PAAF1: variants seen among roughly 807,000 people sequenced by gnomAD.
The protein encoded by PAAF1 is proteasomal ATPase-associated factor 1.
PAAF1 carries 46 observed loss-of-function variants against 52.8 expected under a neutral mutation model. That is an observed-to-expected ratio of 0.87 (90% confidence interval 0.69 to 1.11). The LOEUF is 1.11. PAAF1 is among the 50% of genes most tolerant of loss of function. The pLI is 0.00. For synonymous variants in PAAF1, 178 were observed against 172.8 expected, an observed-to-expected ratio of 1.03 and a Z score of -0.24; for missense variants, 424 against 477.4, an observed-to-expected ratio of 0.89 and a Z score of 1.04.
chr11:73,924,731 T>C (rs1327541143), intron 11 of PAAF1, 34 bp downstream of exon 11: 1 of 1,555,680 alleles, frequency 6.4e-7, no homozygotes, highest in Non-Finnish European at 8.9e-7. Flanking sequence ...ACCTGGGTGA[T>C]TCTCATGAGA....
At chr11:73,899,678 C>T (rs535234384) in intron 5 of PAAF1, among the ~76,000 whole-genome samples, 72 of 152,252 alleles carry the variant, frequency 4.7e-4, no homozygotes, top group Non-Finnish European at 8.7e-4. Context: ...TCCCAAAGTG[C>T]TGGGATTACA....
Position 73,891,176 on chromosome 11 carries a change from CT to C in PAAF1, c.262del (p.Ser88ProfsTer8). On this transcript the variant is annotated frameshift_variant, in exon 4 of 12. Transcript: ENST00000310571. LOFTEE classifies it high-confidence loss of function. ...ASSKFLAPYT[T>X]FSRIHTKSIT... The stretch of plus-strand genomic sequence containing the variant: ...TCTAAGTTTTTGGCACCATATACTA[CT>C]TTTTCCAGAATTCATACAAAGAGTG... 1.3e-6 allele frequency: 2 copies of C among 1,584,160 alleles called. No individual in the cohort carries two copies. The highest frequency in any genetic ancestry group is 1.7e-6 in the Non-Finnish European group (2 of 1,154,552).
At chr11:73,889,110 C>A in intron 3 of PAAF1, 1 of 1,201,570 alleles carries the variant, frequency 8.3e-7, no homozygotes, top group Non-Finnish European at 1.2e-6. Flanking sequence ...TGCAAGCCTA[C>A]GTTTTTCCCA....
At position 73,929,400 on chromosome 11, in the gene PAAF1, T is replaced by A. The variant is rs1372182831; in HGVS notation, c.*2038T>A. The stretch of plus-strand genomic sequence containing the variant: ...ATTTTTTTCTACAACACCCTGTTAC[T>A]TAAACCAAAGTGTAAAAAGAAAATA... On this transcript the variant is annotated 3_prime_UTR_variant, in exon 12 of 12. Transcript: ENST00000310571. The A allele has an allele frequency of 6.6e-6, 1 of 152,202 alleles. No homozygotes were observed. The highest frequency in any genetic ancestry group is 2.4e-5 in the African/African-American group (1 of 41,448). The allele number at this position is 152,202 out of a possible 1,614,324, so 9.4% of individuals were successfully genotyped here.
intron 2 of PAAF1, 94 bp from the exon 3 acceptor site, chr11:73,887,260 A>G: frequency 1.2e-6 from 1 of 815,184 alleles, no homozygotes; most frequent in East Asian, 2.8e-5. Flanking sequence ...TTTCATGGGT[A>G]TACTATTTAT....
chr11:73,895,885 T>C (rs1056693259), intron 4 of PAAF1, among the ~76,000 whole-genome samples: 1 of 152,192 alleles, frequency 6.6e-6, no homozygotes, highest in Admixed American at 6.5e-5. Context: ...GGCAGAAGGA[T>C]AGCTTGAGCC....
chr11:73,876,957 A>T (rs1948757199), upstream of PAAF1: 3 of 1,444,840 alleles, frequency 2.1e-6, no homozygotes, highest in African/African-American at 1.4e-5. Flanking sequence ...TCCTCGCCGC[A>T]CGCTTCTCGG....
intron 4 of PAAF1, among the ~76,000 whole-genome samples, chr11:73,891,415 T>TA (rs1468590121): frequency 1.3e-5 from 2 of 152,204 alleles, no homozygotes; most frequent in Non-Finnish European, 2.9e-5. Flanking sequence ...CTGGTCATCT[T>TA]AGAGATTATA....
At chr11:73,894,180 C>T (rs865970921) in intron 4 of PAAF1, among the ~76,000 whole-genome samples, 2 of 152,102 alleles carry the variant, frequency 1.3e-5, no homozygotes, top group African/African-American at 2.4e-5. Context: ...TTGGGAATGC[C>T]GCTCACCTTT....
chr11:73,917,347 C>T (rs1219772264), intron 9 of PAAF1, among the ~76,000 whole-genome samples: 2 of 152,100 alleles, frequency 1.3e-5, no homozygotes, highest in Non-Finnish European at 2.9e-5. Context: ...TTCAAGGAAC[C>T]CAGCTCTGTT....
intron 10 of PAAF1, among the ~76,000 whole-genome samples, chr11:73,923,639 G>T (rs868645297): frequency 6.6e-6 from 1 of 152,064 alleles, no homozygotes; most frequent in Non-Finnish European, 1.5e-5. Flanking sequence ...GGGTTCAAGC[G>T]ATTCTCCTGC....
At chr11:73,925,388 C>G (rs1359057576) in intron 11 of PAAF1, among the ~76,000 whole-genome samples, 1 of 151,250 alleles carries the variant, frequency 6.6e-6, no homozygotes, top group Non-Finnish European at 1.5e-5. Flanking sequence ...ATTGCTTGGG[C>G]CTGGGAAGTT....
chr11:73,905,604 G>T (rs1234789766), intron 6 of PAAF1, among the ~76,000 whole-genome samples: 1 of 151,462 alleles, frequency 6.6e-6, no homozygotes, highest in African/African-American at 2.4e-5. Context: ...CTTTATTCTT[G>T]TCGTGTAAGT....
chr11:73,926,020 ATCTC>A (rs35017347), intron 11 of PAAF1, among the ~76,000 whole-genome samples: 16,722 of 152,084 alleles, frequency 0.11, 952 homozygotes, highest in East Asian at 0.18. Flanking sequence ...AATTGAGACT[ATCTC>A]TATATATTGC....
chr11:73,931,002 G>A lies in PAAF1; in HGVS notation c.*3640G>A, dbSNP rs182189951. The A allele has an allele frequency of 2.0e-5, 3 of 151,976 alleles. No homozygotes were observed. The South Asian group carries it at 6.2e-4, about 32-fold the overall frequency. The allele number at this position is 151,976 out of a possible 1,614,324, so 9.4% of individuals were successfully genotyped here. A position where few individuals can be genotyped will look rare whatever the true frequency, so the allele number is the denominator to read the frequency against. On this transcript the variant is annotated 3_prime_UTR_variant, in exon 12 of 12. Coordinates refer to ENST00000310571, the MANE Select transcript of PAAF1 (RefSeq NM_025155.3). ...TTTGAGGTGATGGATATGTTAACTG[G>A]CTTCATTTAATTATTCCATATTGTA... is the stretch of plus-strand genomic sequence containing the variant.
At chr11:73,917,266 G>A (rs1008031486) in intron 9 of PAAF1, among the ~76,000 whole-genome samples, 11 of 151,966 alleles carry the variant, frequency 7.2e-5, no homozygotes, top group Non-Finnish European at 1.3e-4. Context: ...TGATCTGCCC[G>A]CCTCAGCCTC....
Position 73,918,956 on chromosome 11 carries a change from G to C in PAAF1, c.942G>C (p.Pro314=). Reference sequence around the variant, plus strand: ...CCCTTTCTCTGAATCCTAGGGCTCCGGTACAAGTCATCCACAGATCAGGAG... The same window carrying C: ...CCCTTTCTCTGAATCCTAGGGCTCCCGTACAAGTCATCCACAGATCAGGAG... ...YQLDVRSPRA[P]VQVIHRSGAP... Residue 314 remains proline, a synonymous_variant, in exon 10 of 12, where the codon CCG becomes CCC. Coordinates refer to ENST00000310571, the MANE Select transcript of PAAF1 (RefSeq NM_025155.3). 6.2e-7 allele frequency: 1 copy of C among 1,612,228 alleles called. No homozygotes were observed. Among genetic ancestry groups the C allele is most frequent in the Non-Finnish European group, 8.5e-7 (1 of 1,179,514 alleles).
chr11:73,880,689 A>AG (rs1948876051), intron 2 of PAAF1: 1 of 79,512 alleles, frequency 1.3e-5, no homozygotes, highest in East Asian at 3.4e-4. Flanking sequence ...TCTGTCTCGA[A>AG]AAAAAAAAAA....
intron 10 of PAAF1, among the ~76,000 whole-genome samples, chr11:73,919,723 GA>G (rs566272222): frequency 1.7e-4 from 26 of 152,300 alleles, no homozygotes; most frequent in African/African-American, 6.3e-4. Context: ...TACATTAAGG[GA>G]CACTGGATCC....
Sources: allele counts gnomAD v4.1 joint callset (sites outside exome capture counted in the v4.1 genomes callset), GRCh38; gene constraint gnomAD v4.1.1; transcripts MANE v1.5; gene names NCBI Gene and HGNC (gene_info 2026-07-23, HGNC 2026-07-21).